The following DTNB variants were observed in gnomAD, a reference collection of about 807,000 sequenced individuals.
The protein encoded by DTNB is DTN-B.
A neutral mutation model predicts 90.7 loss-of-function variants in DTNB; 63 were observed. The ratio of observed to expected loss-of-function variants is 0.69; its 90% CI spans 0.57 to 0.86. The LOEUF (loss-of-function observed/expected upper bound fraction) is 0.86, where lower values mean the gene tolerates loss of function less well. Among genes scored for constraint, DTNB ranks in the 40% least tolerant of loss-of-function variants. The pLI, the probability that DTNB is intolerant of heterozygous loss-of-function variation, is 0.00. For synonymous variants in DTNB, 277 were observed against 286.7 expected, an observed-to-expected ratio of 0.97 and a Z score of 0.34; for missense variants, 744 against 807.1, an observed-to-expected ratio of 0.92 and a Z score of 0.95.
At chr2:25,577,163 G>A (rs1380015558) in intron 7 of DTNB, among the ~76,000 whole-genome samples, 159 bp from the exon 8 acceptor site, 2 of 152,148 alleles carry the variant, frequency 1.3e-5, no homozygotes, top group Non-Finnish European at 2.9e-5. Flanking sequence ...AGCCGGATGC[G>A]GTGGCTTGCC....
At position 25,541,265 on chromosome 2, in the gene DTNB, G is replaced by A. The variant is rs1026016936; in HGVS notation, c.877-9668C>T. ...AGGCAGAGGTGGGTGGATCACCTGA[G>A]GTCAGGAGTCCAAGACCAGCCTGGT... On this transcript the variant is annotated intron_variant, in intron 8 of 20. Coordinates refer to ENST00000406818, the MANE Select transcript of DTNB (RefSeq NM_021907.5). 3.9e-5 allele frequency among the ~76,000 whole-genome samples: 6 copies of A among 152,138 alleles called. No individual in the cohort carries two copies. In the South Asian group the frequency reaches 1.0e-3, roughly 26 times the overall value.
Position 25,562,085 on chromosome 2 carries a change from A to C in DTNB, c.876+14753T>G, listed in dbSNP as rs148456746. Among the ~76,000 whole-genome samples the C allele has an allele frequency of 3.9e-5, 6 of 152,330 alleles. No homozygotes were observed. The East Asian group carries it at 1.2e-3, about 29-fold the overall frequency. ...TTCCTCCCTCTCCCCAGCCCCCGGA[A>C]ACTACTAATGTACATTCTGTTCATT... On this transcript the variant is annotated intron_variant, in intron 8 of 20. Transcript: ENST00000406818.
rs185426943 is a variant in DTNB, at chr2:25,425,825, C to T, written c.1554+1710G>A. Among the ~76,000 whole-genome samples the T allele has an allele frequency of 5.3e-5, 8 of 152,272 alleles. No individual in the cohort carries two copies. In the East Asian group the frequency reaches 1.3e-3, roughly 26 times the overall value. On this transcript the variant is annotated intron_variant, in intron 15 of 20. Transcript: ENST00000406818. ...ATGTAACCAGGTAGATATTTCTGTT[C>T]GATGCCAATAAAATTGTCCAGGGGG...
Position 25,419,461 on chromosome 2 carries a change from G to A in DTNB, c.1575+54C>T, listed in dbSNP as rs913655822. On this transcript the variant is annotated intron_variant, in intron 16 of 20. Coordinates refer to ENST00000406818, the MANE Select transcript of DTNB (RefSeq NM_021907.5). ...GAGGAGAAACATTTATATGAGGAAA[G>A]GAAGAACGTGCAAAGGAGCGAGAGT... The A allele has an allele frequency of 8.4e-6, 13 of 1,553,346 alleles. No homozygotes were observed. The Admixed American group carries it at 2.0e-4, about 23-fold the overall frequency.
At chr2:25,576,803 C>T (rs1365114931) in intron 8 of DTNB, 35 bp downstream of exon 8, 1 of 1,583,880 alleles carries the variant, frequency 6.3e-7, no homozygotes. Context: ...AACAGATTAA[C>T]ACTCAGGGAC....
chr2:25,509,753 T>TG, intron 9 of DTNB, among the ~76,000 whole-genome samples: 1 of 143,352 alleles, frequency 7.0e-6, no homozygotes, highest in East Asian at 2.0e-4. Context: ...ATTCTTTTTT[T>TG]TTTTTTTTTT....
At chr2:25,574,964 C>T (rs2060435262) in intron 8 of DTNB, among the ~76,000 whole-genome samples, 1 of 151,918 alleles carries the variant, frequency 6.6e-6, no homozygotes, top group Non-Finnish European at 1.5e-5. Context: ...TCTTATAACT[C>T]AATGAAAAAA....
At chr2:25,633,524 C>A (rs1478510517) in intron 3 of DTNB, among the ~76,000 whole-genome samples, 1 of 152,078 alleles carries the variant, frequency 6.6e-6, no homozygotes, top group Non-Finnish European at 1.5e-5. Flanking sequence ...CAACCTCCAC[C>A]TCCCAGCCGC....
intron 1 of DTNB, among the ~76,000 whole-genome samples, chr2:25,669,342 A>T (rs1183474039): frequency 6.6e-6 from 1 of 152,138 alleles, no homozygotes; most frequent in African/African-American, 2.4e-5. Context: ...TGAAAAAAAA[A>T]TTGTATCTTT....
intron 3 of DTNB, among the ~76,000 whole-genome samples, chr2:25,635,280 AGTTAGCTGG>A (rs2076902085): frequency 6.6e-6 from 1 of 151,938 alleles, no homozygotes; most frequent in East Asian, 1.9e-4. Context: ...AAAATACAAA[AGTTAGCTGG>A]GTATGGTGGC....
intron 9 of DTNB, among the ~76,000 whole-genome samples, chr2:25,504,904 C>T (rs572113919): frequency 2.0e-5 from 3 of 148,700 alleles, no homozygotes; most frequent in South Asian, 4.2e-4. Flanking sequence ...GCCCAAAAAG[C>T]GTCTTCCAAA....
chr2:25,501,865 G>A (rs748223316), intron 9 of DTNB, among the ~76,000 whole-genome samples: 11 of 151,748 alleles, frequency 7.2e-5, no homozygotes, highest in Non-Finnish European at 1.2e-4. Context: ...ACAGGTTATA[G>A]TAAAACTTCA....
At chr2:25,399,004 C>T (rs1204055923) in intron 16 of DTNB, among the ~76,000 whole-genome samples, 1 of 152,210 alleles carries the variant, frequency 6.6e-6, no homozygotes, top group Non-Finnish European at 1.5e-5. Context: ...AGGAAAAGTG[C>T]TGGAGCAGGT....
At chr2:25,662,591 C>A (rs1371851389) in intron 1 of DTNB, among the ~76,000 whole-genome samples, 1 of 151,184 alleles carries the variant, frequency 6.6e-6, no homozygotes, top group Admixed American at 6.6e-5. Context: ...CATTGGGGAC[C>A]TAGGTGCCTC....
intron 9 of DTNB, among the ~76,000 whole-genome samples, chr2:25,484,327 C>T (rs2065676420): frequency 6.6e-6 from 1 of 152,240 alleles, no homozygotes; most frequent in South Asian, 2.1e-4. Flanking sequence ...TGGGAACTAA[C>T]TACCTTCTGG....
At chr2:25,631,781 TACAG>T (rs751710694) in intron 3 of DTNB, among the ~76,000 whole-genome samples, 57 of 152,236 alleles carry the variant, frequency 3.7e-4, no homozygotes, top group Middle Eastern at 3.4e-3. Context: ...AAAGTACAGA[TACAG>T]ACAATTAAAC....
intron 8 of DTNB, among the ~76,000 whole-genome samples, chr2:25,573,982 T>C (rs1218716301): frequency 1.3e-5 from 2 of 152,170 alleles, no homozygotes; most frequent in Non-Finnish European, 2.9e-5. Context: ...CTAATGACGT[T>C]CTTTCCACCA....
At chr2:25,529,582 T>C (rs1270814660) in intron 9 of DTNB, among the ~76,000 whole-genome samples, 1 of 151,992 alleles carries the variant, frequency 6.6e-6, no homozygotes, top group African/African-American at 2.4e-5. Context: ...ACATCTTTTT[T>C]CCCAAGAAGA....
chr2:25,434,025 T>C (rs768182576), intron 12 of DTNB, 30 bp from the exon 13 acceptor site: 2 of 1,594,868 alleles, frequency 1.3e-6, no homozygotes, highest in South Asian at 2.3e-5. Context: ...AGAAAGTTTT[T>C]TTTTTTCTGA....
Sources: allele counts gnomAD v4.1 joint callset (sites outside exome capture counted in the v4.1 genomes callset), GRCh38; gene constraint gnomAD v4.1.1; transcripts MANE v1.5; gene names NCBI Gene and HGNC (gene_info 2026-07-23, HGNC 2026-07-21).